Variants in EXD3 observed in about 807,000 individuals in gnomAD.
The protein encoded by EXD3 is exonuclease 3'-5' domain containing 3.
A neutral mutation model predicts 98.0 loss-of-function variants in EXD3; 92 were observed. The observed-to-expected ratio is 0.94, with a 90% CI of 0.79 to 1.12. The LOEUF is 1.12. Ranked by LOEUF, EXD3 falls within the 50% of genes most tolerant of loss-of-function variation. EXD3 has a pLI of 0.00. For synonymous variants in EXD3, 569 were observed against 526.0 expected, an observed-to-expected ratio of 1.08 and a Z score of -1.12; for missense variants, 1,222 against 1,191.6, an observed-to-expected ratio of 1.03 and a Z score of -0.38.
chr9:137,316,545 C>T (rs1376809509), intron 19 of EXD3, among the ~76,000 whole-genome samples: 1 of 152,226 alleles, frequency 6.6e-6, no homozygotes, highest in Non-Finnish European at 1.5e-5. Flanking sequence ...GGCCGACCCT[C>T]GCAGCTCCCA....
At position 137,395,022 on chromosome 9, in the gene EXD3, C is replaced by T. The variant is rs1013875576; in HGVS notation, c.55+281G>A. On this transcript the variant is annotated intron_variant, in intron 2 of 21. Transcript: ENST00000340951. This position sits in a 1 kb window ranked among gnomAD's most constrained non-coding sequence, Gnocchi z 6.5. ...CAGCCCTGAGCAGCTGCACTGTCCC[C>T]GCCACCTCCCCCGGATCCTGTCACA... Among the ~76,000 whole-genome samples, 6 of 152,120 alleles carry T rather than the reference C, an allele frequency of 3.9e-5. No homozygotes were observed. The highest frequency in any genetic ancestry group is 2.1e-4 in the South Asian group (1 of 4,832).
At chr9:137,401,451 G>A (rs527934525) in intron 1 of EXD3, among the ~76,000 whole-genome samples, 27 of 152,138 alleles carry the variant, frequency 1.8e-4, no homozygotes, top group Admixed American at 5.2e-4. Flanking sequence ...CACCGTGCCC[G>A]GCCCCCACCC....
At position 137,349,608 on chromosome 9, in the gene EXD3, C is replaced by A. The variant is rs1834145498; in HGVS notation, c.1495-77G>T. 7.1e-7 allele frequency: 1 copy of A among 1,409,362 alleles called. No homozygotes were observed. Among genetic ancestry groups the A allele is most frequent in the Non-Finnish European group, 9.3e-7 (1 of 1,077,400 alleles). The allele number at this position is 1,409,362 out of a possible 1,614,324, so 87.3% of individuals were successfully genotyped here. A position where few individuals can be genotyped will look rare whatever the true frequency, so the allele number is the denominator to read the frequency against. ...AGTCACCGTGCCCACTCACACCAGC[C>A]CTGCGGGGGCTCTGGAGGAGGCCCC... is the stretch of plus-strand genomic sequence containing the variant. On this transcript the variant is annotated intron_variant, in intron 14 of 21. Coordinates refer to ENST00000340951, the MANE Select transcript of EXD3 (RefSeq NM_017820.5). This position sits in a 1 kb window ranked among gnomAD's most constrained non-coding sequence, Gnocchi z 7.4.
At chr9:137,329,464 AGCTACACGGGAG>A (rs1487666321) in intron 17 of EXD3, among the ~76,000 whole-genome samples, 2 of 380 alleles carry the variant, frequency 5.3e-3, no homozygotes, top group Admixed American at 0.056. Context: ...GCTACACGGG[AGCTACACGGGAG>A]CTACACGGGA....
chr9:137,412,933 C>T (rs1356744501), intron 1 of EXD3, among the ~76,000 whole-genome samples: 2 of 151,778 alleles, frequency 1.3e-5, no homozygotes, highest in African/African-American at 2.4e-5. Flanking sequence ...GTGCACGCTA[C>T]ACCTGGATAA....
chr9:137,369,108 G>A (rs1273626070), intron 5 of EXD3, among the ~76,000 whole-genome samples: 90 of 147,030 alleles, frequency 6.1e-4, no homozygotes, highest in African/African-American at 1.9e-3. Flanking sequence ...GGCCCGGGGC[G>A]TGGGAGTCTC....
At chr9:137,354,249 G>A (rs1372842099) in intron 10 of EXD3, 90 bp downstream of exon 10, 9 of 1,547,414 alleles carry the variant, frequency 5.8e-6, no homozygotes, top group African/African-American at 1.4e-5. Context: ...CCTCAGCTCT[G>A]CGCACTTCCA....
At chr9:137,350,083 G>GA (rs1268562363) in intron 14 of EXD3, among the ~76,000 whole-genome samples, 7 of 104,110 alleles carry the variant, frequency 6.7e-5, no homozygotes, top group African/African-American at 8.4e-5. Flanking sequence ...GGATCACGAG[G>GA]AGGGGCTAGA....
chr9:137,393,874 G>A lies in EXD3; in HGVS notation c.55+1429C>T, dbSNP rs1331267318. On this transcript the variant is annotated intron_variant, in intron 2 of 21. Coordinates refer to ENST00000340951, the MANE Select transcript of EXD3 (RefSeq NM_017820.5). The surrounding 1 kb of genome is among the most constrained non-coding windows in gnomAD (Gnocchi z 4.6). ...GAGGGCCTGCAGCCCAGGGCGAGGCGGCTGGGCCAGGGCCTTACAGCTCTC... is the reference window on the plus strand; with the variant it reads ...GAGGGCCTGCAGCCCAGGGCGAGGCAGCTGGGCCAGGGCCTTACAGCTCTC... Among the ~76,000 whole-genome samples the A allele has an allele frequency of 1.3e-5, 2 of 152,286 alleles. No individual in the cohort carries two copies. The highest frequency in any genetic ancestry group is 2.4e-5 in the African/African-American group (1 of 41,544).
At chr9:137,311,970 G>C (rs1831383954) in intron 19 of EXD3, among the ~76,000 whole-genome samples, 1 of 152,166 alleles carries the variant, frequency 6.6e-6, no homozygotes, top group Admixed American at 6.5e-5. Flanking sequence ...CCAGCACTCG[G>C]GGGCTGAGAG....
intron 2 of EXD3, chr9:137,392,010 T>C (rs1305876850): frequency 1.3e-5 from 2 of 152,198 alleles, no homozygotes; most frequent in Non-Finnish European, 2.9e-5. Flanking sequence ...AATTTTTGTA[T>C]TTTTAGTAGA....
chr9:137,326,931 A>T (rs952970583), intron 17 of EXD3, among the ~76,000 whole-genome samples: 1 of 152,116 alleles, frequency 6.6e-6, no homozygotes, highest in Non-Finnish European at 1.5e-5. Context: ...CAAAAAAAAA[A>T]AGGAAGGACG....
rs747329347 is a variant in EXD3 at position 137,349,235 on chromosome 9, C to G, written c.1705G>C (p.Glu569Gln). Reference protein sequence around the residue: ...LLEVHQALCREPARFHLSEDL... With the variant: ...LLEVHQALCRQPARFHLSEDL... ...TCCGACAGGTGGAAGCGGGCGGGCT[C>G]TCTGCACAGGGCTTGGTGCACCTCC... The change falls in exon 16 of 22, where the codon GAG becomes CAG. Residue 569 changes from glutamate (E) to glutamine (Q), a missense_variant. Transcript: ENST00000340951. This position sits in a 1 kb window ranked among gnomAD's most constrained non-coding sequence, Gnocchi z 7.4. 45 of 1,575,980 alleles carry G rather than the reference C, an allele frequency of 2.9e-5. No homozygotes were observed. The highest frequency in any genetic ancestry group is 1.7e-4 in the Middle Eastern group (1 of 6,048).
In EXD3 at chr9:137,356,377, A is replaced by G. The variant is rs1182303375; in HGVS notation, c.657-9T>C. On this transcript the variant is annotated splice_polypyrimidine_tract_variant and intron_variant, in intron 7 of 21. Coordinates refer to ENST00000340951, the MANE Select transcript of EXD3 (RefSeq NM_017820.5). ...TCACCTCAGGGTACCGTCTGTGGGG[A>G]GAGAGAGGCACAGCCTCTGTTGCTG... The G allele has an allele frequency of 6.5e-7, 1 of 1,541,116 alleles. No individual in the cohort carries two copies. The highest frequency in any genetic ancestry group is 1.8e-5 in the Admixed American group (1 of 55,686).
chr9:137,422,241 A>C (rs570159288), intron 1 of EXD3, among the ~76,000 whole-genome samples: 1 of 152,162 alleles, frequency 6.6e-6, no homozygotes, highest in South Asian at 2.1e-4. Flanking sequence ...TTGATAATCA[A>C]TGCTTTCAAG....
intron 19 of EXD3, among the ~76,000 whole-genome samples, chr9:137,319,297 T>A (rs1360700609): frequency 2.6e-5 from 4 of 152,134 alleles, no homozygotes; most frequent in African/African-American, 9.7e-5. Flanking sequence ...AGGCCCGGGG[T>A]CTGCAGCTGC....
In EXD3 at chr9:137,309,702, TG is replaced by T. The variant is rs1564459133; in HGVS notation, c.2185-3del. 3 of 1,552,116 alleles carry T rather than the reference TG, an allele frequency of 1.9e-6. No homozygotes were observed. The highest frequency in any genetic ancestry group is 2.6e-6 in the Non-Finnish European group (3 of 1,147,914). The stretch of plus-strand genomic sequence containing the variant: ...TAGGTACTGGTCACAGTTACAGGCC[TG>T]GGGGCCAGAGGGGGTGCTGAGGCCC... On this transcript the variant is annotated splice_polypyrimidine_tract_variant and splice_region_variant and intron_variant, in intron 19 of 21. Coordinates refer to ENST00000340951, the MANE Select transcript of EXD3 (RefSeq NM_017820.5).
At chr9:137,413,923 T>C (rs903668173) in intron 1 of EXD3, among the ~76,000 whole-genome samples, 2 of 150,048 alleles carry the variant, frequency 1.3e-5, no homozygotes, top group African/African-American at 2.4e-5. Flanking sequence ...TTTTTTCTTT[T>C]TTTTTTTTTT....
chr9:137,355,731 A>C (rs1298902731), intron 8 of EXD3, among the ~76,000 whole-genome samples: 1 of 114,140 alleles, frequency 8.8e-6, no homozygotes, highest in African/African-American at 3.3e-5. Context: ...AGGAGGAAGG[A>C]GGACCTAGAA....
Sources: gnomAD v4.1 joint callset for allele counts (sites outside exome capture counted in the v4.1 genomes callset) on GRCh38, gnomAD v4.1.1 for gene constraint, Gnocchi (gnomAD v3.1) non-coding constraint, MANE v1.5 for transcripts, NCBI Gene and HGNC (gene_info 2026-07-23, HGNC 2026-07-21) for gene names.